Variants in ROCK1 observed in about 807,000 individuals in gnomAD.
ROCK1 encodes the protein rho-associated protein kinase 1.
In ROCK1, 36 loss-of-function variants were observed where a neutral mutation model predicts 196.8. The observed-to-expected ratio is 0.18, with a 90% CI of 0.14 to 0.24. The LOEUF (loss-of-function observed/expected upper bound fraction) is 0.24, where lower values mean the gene tolerates loss of function less well. Among genes scored for constraint, ROCK1 ranks in the 10% least tolerant of loss-of-function variants. The pLI is 1.00. For synonymous variants in ROCK1, 443 were observed against 515.9 expected, an observed-to-expected ratio of 0.86 and a Z score of 1.91; for missense variants, 920 against 1,562.0, an observed-to-expected ratio of 0.59 and a Z score of 6.93.
intron 1 of ROCK1, among the ~76,000 whole-genome samples, chr18:21,107,619 A>C (rs2143610905): frequency 6.6e-6 from 1 of 152,314 alleles, no homozygotes. Context: ...GAAAAAGCTG[A>C]AGTCACCTGA....
At chr18:21,101,926 T>C (rs1250242554) in intron 1 of ROCK1, among the ~76,000 whole-genome samples, 2 of 152,126 alleles carry the variant, frequency 1.3e-5, no homozygotes, top group East Asian at 1.9e-4. Flanking sequence ...AATGACAATA[T>C]ATGGAATTTA....
chr18:21,015,517 T>A lies in ROCK1; in HGVS notation c.1362-38A>T, dbSNP rs200243595. 3.6e-5 allele frequency: 46 copies of A among 1,266,292 alleles called. No individual in the cohort carries two copies. The African/African-American group carries it at 6.0e-4, about 17-fold the overall frequency. 78.4% of individuals were successfully genotyped at this position (1,266,292 alleles called of 1,614,324 possible). On this transcript the variant is annotated intron_variant, in intron 12 of 32. Transcript: ENST00000399799. ...AAGCAATACAGATTAGAAATATACG[T>A]ATTTCTTATTGCCCAGTGTTAAACA...
intron 16 of ROCK1, among the ~76,000 whole-genome samples, chr18:21,003,909 TA>T (rs939045893): frequency 1.3e-5 from 2 of 151,558 alleles, no homozygotes; most frequent in Admixed American, 6.6e-5. Context: ...AGCAAACAAT[TA>T]AAAAAAACAG....
rs1407682908 is a variant in ROCK1 at position 20,947,968 on chromosome 18, G to A, written c.*3416C>T. On this transcript the variant is annotated 3_prime_UTR_variant, in exon 33 of 33. Coordinates refer to ENST00000399799, the MANE Select transcript of ROCK1 (RefSeq NM_005406.3). The stretch of plus-strand genomic sequence containing the variant: ...CTACTAAAAATACAAAAATTAGCTG[G>A]GCATGGTGGTGGGCACCTGTAATCC... 1 of 151,778 alleles carries A rather than the reference G, an allele frequency of 6.6e-6. No individual in the cohort carries two copies. The highest frequency in any genetic ancestry group is 1.5e-5 in the Non-Finnish European group (1 of 67,978). The allele number at this position is 151,778 out of a possible 1,614,324, so 9.4% of individuals were successfully genotyped here.
At position 21,006,415 on chromosome 18, in the gene ROCK1, T is replaced by A. The variant is rs768941730; in HGVS notation, c.1821A>T (p.Gln607His). 1 of 1,613,474 alleles carries A rather than the reference T, an allele frequency of 6.2e-7. No homozygotes were observed. ...SQTDKDYYQL[Q>H]AILEAERRDR... Reference sequence around the variant, plus strand: ...CTCTTCGTTCAGCTTCTAATATAGCTTGCAGCTGGTAATAATCTTTGTCTG... The same window carrying A: ...CTCTTCGTTCAGCTTCTAATATAGCATGCAGCTGGTAATAATCTTTGTCTG... The change falls in exon 16 of 33, where the codon CAA becomes CAT. Residue 607 changes from glutamine to histidine, a missense_variant. By Grantham distance (24) the Gln-to-His change is conservative. Around this residue, in one of 6 missense-constraint regions of ROCK1, gnomAD observed 520 missense variants for 657.1 expected, o/e 0.79. Transcript: ENST00000399799.
chr18:21,080,909 C>A (rs556314537), intron 1 of ROCK1, among the ~76,000 whole-genome samples: 1 of 151,956 alleles, frequency 6.6e-6, no homozygotes, highest in South Asian at 2.1e-4. Flanking sequence ...CATAGTTCTA[C>A]AAATAGTTGG....
chr18:21,016,026 T>C (rs1479063251), intron 12 of ROCK1, among the ~76,000 whole-genome samples: 1 of 151,844 alleles, frequency 6.6e-6, no homozygotes, highest in Non-Finnish European at 1.5e-5. Context: ...TAATAAACTT[T>C]AAAAAAATAT....
intron 1 of ROCK1, among the ~76,000 whole-genome samples, chr18:21,101,339 A>G (rs756904369): frequency 1.3e-5 from 2 of 152,250 alleles, no homozygotes; most frequent in Non-Finnish European, 2.9e-5. Context: ...AAGCTATCAC[A>G]GACTGATGCC....
chr18:20,965,266 C>A (rs562503525), intron 27 of ROCK1, among the ~76,000 whole-genome samples: 60 of 152,124 alleles, frequency 3.9e-4, no homozygotes, highest in African/African-American at 1.4e-3. Context: ...TGATGTGCAC[C>A]TGTAGTCCCA....
At chr18:21,083,416 C>A (rs2036498304) in intron 1 of ROCK1, among the ~76,000 whole-genome samples, 1 of 152,174 alleles carries the variant, frequency 6.6e-6, no homozygotes, top group South Asian at 2.1e-4. Flanking sequence ...TCACTGACTT[C>A]AAAAATCACT....
At chr18:20,972,659 C>A (rs2035440242) in intron 22 of ROCK1, among the ~76,000 whole-genome samples, 1 of 152,178 alleles carries the variant, frequency 6.6e-6, no homozygotes, top group South Asian at 2.1e-4. Flanking sequence ...GAGTAATCAA[C>A]TAAGTCAAAT....
At chr18:21,015,669 TATG>T (rs1261966911) in intron 12 of ROCK1, among the ~76,000 whole-genome samples, 190 bp from the exon 13 acceptor site, 16 of 152,030 alleles carry the variant, frequency 1.1e-4, no homozygotes, top group Non-Finnish European at 2.4e-4. Context: ...AAAAATTATA[TATG>T]ATTAAAAGAG....
chr18:21,010,423 T>C (rs1237850139), intron 13 of ROCK1, among the ~76,000 whole-genome samples: 4 of 152,248 alleles, frequency 2.6e-5, no homozygotes, highest in Non-Finnish European at 4.4e-5. Context: ...TTTGTAAAGA[T>C]AAAGAGCCAT....
At chr18:21,058,527 C>G (rs925044728) in intron 2 of ROCK1, among the ~76,000 whole-genome samples, 24 of 152,100 alleles carry the variant, frequency 1.6e-4, no homozygotes, top group Admixed American at 4.6e-4. Flanking sequence ...GAAAGCAGCC[C>G]TAAAAAGCTC....
intron 29 of ROCK1, among the ~76,000 whole-genome samples, chr18:20,957,900 G>C (rs1335129706): frequency 6.6e-6 from 1 of 151,932 alleles, no homozygotes; most frequent in East Asian, 1.9e-4. Flanking sequence ...CGCCCACCTT[G>C]GTCTCCCAAA....
intron 4 of ROCK1, among the ~76,000 whole-genome samples, chr18:21,047,710 C>G (rs867774635): frequency 1.1e-4 from 17 of 151,766 alleles, no homozygotes; most frequent in Admixed American, 7.9e-4. Context: ...AGGAGAATGG[C>G]GTGAACTCAG....
chr18:21,059,959 T>C (rs971642840), intron 2 of ROCK1, among the ~76,000 whole-genome samples: 4 of 152,196 alleles, frequency 2.6e-5, no homozygotes, highest in African/African-American at 4.8e-5. Flanking sequence ...ATTCCTTCTA[T>C]AGGAAATGTC....
Position 21,023,628 on chromosome 18 carries a change from T to C in ROCK1, c.1264A>G (p.Lys422Glu). Reference sequence around the variant, plus strand: ...ACTAAGAAAATACCTACCAAGCTTTTATCTGCATTGGAGCTAGTTCTGTTA... The same window carrying C: ...ACTAAGAAAATACCTACCAAGCTTTCATCTGCATTGGAGCTAGTTCTGTTA... The part of the protein sequence containing the change: ...NDNRTSSNAD[K>E]SLQESLQKTI... Residue 422 changes from lysine to glutamate, a missense_variant, in exon 11 of 33, where the codon AAA (lysine) becomes GAA (glutamate). Coordinates refer to ENST00000399799, the MANE Select transcript of ROCK1 (RefSeq NM_005406.3). The C allele has an allele frequency of 6.5e-7, 1 of 1,545,660 alleles. No homozygotes were observed. The highest frequency in any genetic ancestry group is 1.2e-5 in the South Asian group (1 of 82,104).
Position 20,979,947 on chromosome 18 carries a change from C to G in ROCK1, c.2617G>C (p.Glu873Gln). The G allele has an allele frequency of 1.9e-6, 3 of 1,545,754 alleles. No homozygotes were observed. The highest frequency in any genetic ancestry group is 2.6e-6 in the Non-Finnish European group (3 of 1,144,090). Reference sequence around the variant, plus strand: ...AGTTCCTGTATTTTCTTTAAATTTTCTCTGTTTTTTTCTTCAATTTCTTCT... The same window carrying G: ...AGTTCCTGTATTTTCTTTAAATTTTGTCTGTTTTTTTCTTCAATTTCTTCT... ...LKEEIEEKNR[E>Q]NLKKIQELQN... Residue 873 changes from glutamate (E) to glutamine (Q), a missense_variant, in exon 22 of 33, where the codon GAA becomes CAA. Coordinates refer to ENST00000399799, the MANE Select transcript of ROCK1 (RefSeq NM_005406.3).
Sources: allele counts gnomAD v4.1 joint callset (sites outside exome capture counted in the v4.1 genomes callset), GRCh38; gene constraint gnomAD v4.1.1; regional missense constraint gnomAD v4.1.1; transcripts MANE v1.5; gene names NCBI Gene and HGNC (gene_info 2026-07-23, HGNC 2026-07-21).